TMCC1: variants seen among roughly 807,000 people sequenced by gnomAD.
The protein encoded by TMCC1 is transmembrane and coiled-coil domain family 1.
Under a neutral mutation model 52.4 loss-of-function variants are expected in TMCC1, and 15 were observed. The ratio of observed to expected loss-of-function variants is 0.29; its 90% CI spans 0.19 to 0.44. The LOEUF is 0.44. Among genes scored for constraint, TMCC1 ranks in the 20% least tolerant of loss-of-function variants. The pLI, the probability that TMCC1 is intolerant of heterozygous loss-of-function variation, is 1.00. For missense variants in TMCC1, 503 were observed against 806.0 expected, an observed-to-expected ratio of 0.62 and a Z score of 4.55; for synonymous variants, 279 against 301.9, an observed-to-expected ratio of 0.92 and a Z score of 0.79.
chr3:129,829,631 T>C (rs937988141), intron 3 of TMCC1, among the ~76,000 whole-genome samples: 1 of 152,020 alleles, frequency 6.6e-6, no homozygotes, highest in African/African-American at 2.4e-5. Flanking sequence ...TATTTTTCTT[T>C]AAATTTTTGT....
chr3:129,785,714 T>C (rs563686076), intron 4 of TMCC1, among the ~76,000 whole-genome samples: 2 of 152,250 alleles, frequency 1.3e-5, no homozygotes, highest in African/African-American at 2.4e-5. Flanking sequence ...TTATTAAGGC[T>C]TTCCAGCTAC....
At chr3:129,718,580 A>G (rs371449421) in intron 4 of TMCC1, among the ~76,000 whole-genome samples, 1 of 152,244 alleles carries the variant, frequency 6.6e-6, no homozygotes, top group East Asian at 1.9e-4. Context: ...ATGTCATGAC[A>G]TTACAAGAAA....
intron 2 of TMCC1, among the ~76,000 whole-genome samples, chr3:129,855,866 T>C (rs1371739785): frequency 1.3e-5 from 2 of 152,362 alleles, no homozygotes; most frequent in Non-Finnish European, 2.9e-5. Flanking sequence ...TGTAAGATCC[T>C]GTTTTAAACA....
At chr3:129,688,397 A>G (rs1262590285) in intron 4 of TMCC1, 10 of 985,356 alleles carry the variant, frequency 1.0e-5, no homozygotes, top group African/African-American at 1.7e-5. Flanking sequence ...GCTGCAAATG[A>G]GGACAGCTAC....
intron 4 of TMCC1, among the ~76,000 whole-genome samples, chr3:129,761,067 T>A (rs959001863): frequency 2.6e-5 from 4 of 151,958 alleles, no homozygotes; most frequent in Non-Finnish European, 5.9e-5. Flanking sequence ...GGCTCACGCC[T>A]GTAATCCCAG....
chr3:129,797,355 A>G (rs1437233738), intron 4 of TMCC1, among the ~76,000 whole-genome samples: 3 of 151,530 alleles, frequency 2.0e-5, no homozygotes, highest in African/African-American at 4.9e-5. Context: ...GTATTTCATA[A>G]TATCTCGGGA....
intron 2 of TMCC1, among the ~76,000 whole-genome samples, chr3:129,876,242 TTAAG>T (rs920596960): frequency 6.6e-6 from 1 of 150,694 alleles, no homozygotes; most frequent in Non-Finnish European, 1.5e-5. Context: ...TTACAATGAC[TTAAG>T]TAAGCACTAG....
At chr3:129,855,640 G>A (rs773638149) in intron 2 of TMCC1, among the ~76,000 whole-genome samples, 2 of 152,070 alleles carry the variant, frequency 1.3e-5, no homozygotes, top group Non-Finnish European at 2.9e-5. Context: ...AAAATTCTTG[G>A]ATAGCTTCCT....
chr3:129,882,529 T>C (rs2061506009), intron 1 of TMCC1, among the ~76,000 whole-genome samples: 1 of 152,096 alleles, frequency 6.6e-6, no homozygotes, highest in Non-Finnish European at 1.5e-5. Context: ...GCAAAAAAGA[T>C]TTAAAGTGTG....
intron 4 of TMCC1, among the ~76,000 whole-genome samples, chr3:129,738,125 G>A (rs1057407719): frequency 6.6e-6 from 1 of 152,014 alleles, no homozygotes; most frequent in South Asian, 2.1e-4. Context: ...ACAAAAATTA[G>A]CCAAGCGTGG....
In TMCC1 at chr3:129,664,766, T is replaced by C. The variant is rs1243028639; in HGVS notation, c.1511+5564A>G. The stretch of plus-strand genomic sequence containing the variant: ...CTAGCTCTCTCTTATTTTCAGTACA[T>C]TTTGCCACAGCTGAACTTTTCCTTT... On this transcript the variant is annotated intron_variant, in intron 5 of 6. Coordinates refer to ENST00000393238, the MANE Select transcript of TMCC1 (RefSeq NM_001017395.5). 3.3e-5 allele frequency among the ~76,000 whole-genome samples: 5 copies of C among 152,336 alleles called. No individual in the cohort carries two copies. In the East Asian group the frequency reaches 9.6e-4, roughly 29 times the overall value.
intron 4 of TMCC1, among the ~76,000 whole-genome samples, chr3:129,800,404 C>T (rs903594029): frequency 2.6e-5 from 4 of 151,952 alleles, no homozygotes; most frequent in East Asian, 1.9e-4. Flanking sequence ...TATTATTAAA[C>T]GGTTTTCCCT....
chr3:129,690,476 GCACT>G (rs1169179748), intron 4 of TMCC1, among the ~76,000 whole-genome samples: 1 of 152,074 alleles, frequency 6.6e-6, no homozygotes, highest in Non-Finnish European at 1.5e-5. Flanking sequence ...ACAATTGTTG[GCACT>G]CACTGATATT....
At chr3:129,874,298 C>G (rs1190132467) in intron 2 of TMCC1, among the ~76,000 whole-genome samples, 2 of 152,194 alleles carry the variant, frequency 1.3e-5, no homozygotes, top group African/African-American at 4.8e-5. Flanking sequence ...TTATTGTTTG[C>G]CTACCAGCAC....
chr3:129,687,946 T>C (rs1281702426), intron 4 of TMCC1, among the ~76,000 whole-genome samples: 1 of 152,238 alleles, frequency 6.6e-6, no homozygotes, highest in Middle Eastern at 3.2e-3. Flanking sequence ...TTCTTTGCTC[T>C]GGAAATTTCT....
intron 1 of TMCC1, among the ~76,000 whole-genome samples, chr3:129,890,010 G>C (rs893398156): frequency 6.6e-6 from 1 of 152,030 alleles, no homozygotes; most frequent in African/African-American, 2.4e-5. Context: ...AATGGCTGGG[G>C]CATGGTGGCT....
chr3:129,782,271 T>C (rs112942834), intron 4 of TMCC1, among the ~76,000 whole-genome samples: 2 of 152,156 alleles, frequency 1.3e-5, no homozygotes, highest in African/African-American at 4.8e-5. Context: ...GAACTGAGCC[T>C]AGGCCACAGC....
chr3:129,760,724 G>A (rs943960342), intron 4 of TMCC1, among the ~76,000 whole-genome samples: 1 of 151,614 alleles, frequency 6.6e-6, no homozygotes, highest in Non-Finnish European at 1.5e-5. Flanking sequence ...TGATCTGCCC[G>A]CCTCGGGCTT....
At chr3:129,841,218 G>A (rs2059409094) in intron 2 of TMCC1, among the ~76,000 whole-genome samples, 1 of 152,208 alleles carries the variant, frequency 6.6e-6, no homozygotes, top group South Asian at 2.1e-4. Flanking sequence ...GAACTTGAAA[G>A]ACATGATTTA....
Sources: gnomAD v4.1 joint callset for allele counts (sites outside exome capture counted in the v4.1 genomes callset) on GRCh38, gnomAD v4.1.1 for gene constraint, MANE v1.5 for transcripts, NCBI Gene and HGNC (gene_info 2026-07-23, HGNC 2026-07-21) for gene names.